EPHB2: variants seen among roughly 807,000 people sequenced by gnomAD.
EPHB2 encodes the protein ephrin type-B receptor 2.
EPHB2 carries 18 observed loss-of-function variants against 96.4 expected under a neutral mutation model. The observed-to-expected ratio is 0.19, with a 90% CI of 0.13 to 0.28. The LOEUF (loss-of-function observed/expected upper bound fraction) is 0.28. Ranked by LOEUF, EPHB2 falls within the 10% of genes least tolerant of loss-of-function variation. The pLI is 1.00. For synonymous variants in EPHB2, 506 were observed against 534.1 expected (o/e 0.95, Z 0.72); for missense variants, 989 against 1,355.4 (o/e 0.73, Z 4.25).
intron 3 of EPHB2, among the ~76,000 whole-genome samples, chr1:22,787,518 G>A (rs896391390): frequency 6.6e-6 from 1 of 152,224 alleles, no homozygotes; most frequent in African/African-American, 2.4e-5. Flanking sequence ...GGGAGGCTGA[G>A]GCAGGAAGAT....
At chr1:22,754,921 G>A (rs75933962) in intron 1 of EPHB2, among the ~76,000 whole-genome samples, 15 of 9,564 alleles carry the variant, frequency 1.6e-3, no homozygotes, top group East Asian at 6.3e-3. Context: ...AGGGGCAGGG[G>A]AGGTGAGGTG....
At chr1:22,911,167 T>TAAATAAAC (rs924029602) in intron 14 of EPHB2, among the ~76,000 whole-genome samples, 1 of 151,300 alleles carries the variant, frequency 6.6e-6, no homozygotes, top group Non-Finnish European at 1.5e-5. Context: ...AATAAATAAA[T>TAAATAAAC]AAATAAATAA....
At position 22,859,305 on chromosome 1, in the gene EPHB2, G is replaced by C. The variant is rs796642216; in HGVS notation, c.812-3732G>C. On this transcript the variant is annotated intron_variant, in intron 3 of 15. Coordinates refer to ENST00000374630, the MANE Select transcript of EPHB2 (RefSeq NM_017449.5). ...GTGTGGGGTGGGCCTGGTGGGGGGG[G>C]GGGTATTGTACCTAGGTGAGTGTGA... 9.8e-4 allele frequency among the ~76,000 whole-genome samples: 146 copies of C among 149,262 alleles called. 2 individuals carry two copies. The highest frequency in any genetic ancestry group is 2.3e-3 in the African/African-American group (91 of 39,762).
chr1:22,879,209 C>CCA (rs3032081), intron 5 of EPHB2, among the ~76,000 whole-genome samples: 134,170 of 151,776 alleles, frequency 0.88, 61,582 homozygotes, highest in East Asian at 1. Flanking sequence ...CCCACCTCCA[C>CCA]CACACACACA....
At chr1:22,867,374 G>A (rs1638512660) in intron 5 of EPHB2, among the ~76,000 whole-genome samples, 1 of 152,188 alleles carries the variant, frequency 6.6e-6, no homozygotes, top group African/African-American at 2.4e-5. Context: ...GCATGAGTTT[G>A]TACATCCAAA....
At position 22,913,066 on chromosome 1, in the gene EPHB2, A is replaced by C. The variant is rs1485326361; in HGVS notation, c.2853-396A>C. 8.4e-6 allele frequency: 3 copies of C among 357,980 alleles called. No homozygotes were observed. The East Asian group carries it at 2.1e-4, about 25-fold the overall frequency. The allele number at this position is 357,980 out of a possible 1,614,324, so 22.2% of individuals were successfully genotyped here. On this transcript the variant is annotated intron_variant, in intron 15 of 15. Coordinates refer to ENST00000374630, the MANE Select transcript of EPHB2 (RefSeq NM_017449.5). The surrounding 1 kb of genome is among the most constrained non-coding windows in gnomAD (Gnocchi z 4.1). ...AAATTAGCCACGCAAGGTGGCATGCACCTGTAATGCCAGCTACTCGGGAGG... is the reference window on the plus strand; with the variant it reads ...AAATTAGCCACGCAAGGTGGCATGCCCCTGTAATGCCAGCTACTCGGGAGG...
chr1:22,870,396 C>T (rs563888477), intron 5 of EPHB2, among the ~76,000 whole-genome samples: 4 of 152,254 alleles, frequency 2.6e-5, no homozygotes, highest in Admixed American at 6.5e-5. Context: ...AGGTGTACTC[C>T]GCTGGACAGT....
At chr1:22,886,337 G>T (rs1639224045) in intron 6 of EPHB2, among the ~76,000 whole-genome samples, 1 of 152,214 alleles carries the variant, frequency 6.6e-6, no homozygotes, top group African/African-American at 2.4e-5. Context: ...GGGAGCATCA[G>T]GGGAGGAGGT....
intron 3 of EPHB2, among the ~76,000 whole-genome samples, chr1:22,828,547 G>A (rs1004530174): frequency 3.9e-5 from 6 of 152,118 alleles, no homozygotes; most frequent in African/African-American, 1.4e-4. Context: ...TGTGAACACT[G>A]ATAGAACGGT....
intron 11 of EPHB2, 90 bp downstream of exon 11, chr1:22,907,047 T>A (rs1639940889): frequency 1.4e-6 from 2 of 1,475,750 alleles, no homozygotes; most frequent in South Asian, 1.4e-5. Context: ...CCTGAAGGGG[T>A]CTTGGAAAAG....
intron 2 of EPHB2, among the ~76,000 whole-genome samples, chr1:22,783,505 G>A (rs180754399): frequency 9.8e-5 from 15 of 152,288 alleles, no homozygotes; most frequent in African/African-American, 3.6e-4. Context: ...GAAGGCCCTC[G>A]GGAAAGTTGG....
At chr1:22,806,226 C>T (rs1644923012) in intron 3 of EPHB2, among the ~76,000 whole-genome samples, 1 of 152,198 alleles carries the variant, frequency 6.6e-6, no homozygotes, top group South Asian at 2.1e-4. Context: ...AGTAATCACC[C>T]CCCTTTTACA....
intron 3 of EPHB2, among the ~76,000 whole-genome samples, chr1:22,828,259 C>A (rs2148482739): frequency 6.6e-6 from 1 of 152,218 alleles, no homozygotes; most frequent in Admixed American, 6.5e-5. Flanking sequence ...GTGTGGGGTT[C>A]ATGAGTGGGT....
chr1:22,912,898 A>G, intron 15 of EPHB2: 1 of 420,880 alleles, frequency 2.4e-6, no homozygotes, highest in South Asian at 2.1e-5. Flanking sequence ...GGGTGCTTAG[A>G]AAATGCAAGC....
rs542806240 is a variant in EPHB2 at position 22,796,367 on chromosome 1, G to A, written c.811+11291G>A. Among the ~76,000 whole-genome samples the A allele has an allele frequency of 4.6e-5, 7 of 152,242 alleles. No individual in the cohort carries two copies. The East Asian group carries it at 9.6e-4, about 21-fold the overall frequency. On this transcript the variant is annotated intron_variant, in intron 3 of 15. Transcript: ENST00000374630. ...ATCCTGGGCTTTCTGCTCCTTCCTCGGGCCTTCCCAGTCTCTTCCCATGGG... is the reference window on the plus strand; with the variant it reads ...ATCCTGGGCTTTCTGCTCCTTCCTCAGGCCTTCCCAGTCTCTTCCCATGGG...
chr1:22,901,059 C>T (rs935108462), intron 9 of EPHB2, among the ~76,000 whole-genome samples: 2 of 152,196 alleles, frequency 1.3e-5, no homozygotes, highest in African/African-American at 4.8e-5. Flanking sequence ...CTCTCTGAGC[C>T]TTGACATCTT....
chr1:22,712,517 GA>G (rs1259172899), intron 1 of EPHB2, among the ~76,000 whole-genome samples: 1 of 152,114 alleles, frequency 6.6e-6, no homozygotes, highest in African/African-American at 2.4e-5. Flanking sequence ...CGTCGTGGGG[GA>G]CCCTGTGCTA....
At chr1:22,748,987 G>A (rs941657156) in intron 1 of EPHB2, among the ~76,000 whole-genome samples, 4 of 150,126 alleles carry the variant, frequency 2.7e-5, no homozygotes, top group African/African-American at 7.3e-5. Flanking sequence ...GCTGGTCATC[G>A]GCGCCTGTCC....
At chr1:22,741,688 AC>A (rs750999376) in intron 1 of EPHB2, among the ~76,000 whole-genome samples, 4,841 of 142,160 alleles carry the variant, frequency 0.034, 306 homozygotes, top group African/African-American at 0.094. Context: ...GCAAAAAAAA[AC>A]AAAAAAACAA....
Sources: allele counts gnomAD v4.1 joint callset (sites outside exome capture counted in the v4.1 genomes callset), GRCh38; gene constraint gnomAD v4.1.1; non-coding constraint Gnocchi (gnomAD v3.1); transcripts MANE v1.5; gene names NCBI Gene and HGNC (gene_info 2026-07-23, HGNC 2026-07-21).